ZFHX3: variants seen among roughly 807,000 people sequenced by gnomAD.
ZFHX3 encodes zinc finger homeobox protein 3.
Under a neutral mutation model 279.1 loss-of-function variants are expected in ZFHX3, and 42 were observed. The observed-to-expected ratio is 0.15, with a 90% CI of 0.12 to 0.19. The LOEUF (loss-of-function observed/expected upper bound fraction) is 0.19. Among genes scored for constraint, ZFHX3 ranks in the 10% least tolerant of loss-of-function variants. The probability of loss-of-function intolerance (pLI) is 1.00; values close to 1 mark genes in which losing one functional copy is unlikely to be tolerated. For missense variants in ZFHX3, 4,981 were observed against 4,754.0 expected (o/e 1.05, Z -1.40); for synonymous variants, 2,293 against 1,957.8 (o/e 1.17, Z -4.52).
chr16:73,875,299 C>T (rs561187447), intron 1 of ZFHX3, among the ~76,000 whole-genome samples: 1 of 152,110 alleles, frequency 6.6e-6, no homozygotes, highest in South Asian at 2.1e-4. Flanking sequence ...TCATGATTTC[C>T]CATAGTGTAT....
intron 2 of ZFHX3, among the ~76,000 whole-genome samples, chr16:73,656,240 A>G (rs982646862): frequency 3.9e-5 from 6 of 152,236 alleles, no homozygotes; most frequent in Non-Finnish European, 7.3e-5. Context: ...CACAAAGCCA[A>G]AAATTTTCAC....
Position 73,874,804 on chromosome 16 carries a change from G to A in ZFHX3, c.-1608+16847C>T, listed in dbSNP as rs1379988372. ...GCCTTTCTGTTTAGGGTAGATTAAAGAATTTTTATAAAGATGAGGATTACA... is the reference window on the plus strand; with the variant it reads ...GCCTTTCTGTTTAGGGTAGATTAAAAAATTTTTATAAAGATGAGGATTACA... On this transcript the variant is annotated intron_variant, in intron 1 of 17. Coordinates refer to the ZFHX3 transcript ENST00000641206. 5.3e-5 allele frequency among the ~76,000 whole-genome samples: 8 copies of A among 152,074 alleles called. No individual in the cohort carries two copies. The East Asian group carries it at 1.2e-3, about 22-fold the overall frequency.
At chr16:73,121,191 T>G (rs2144808494) in intron 7 of ZFHX3, among the ~76,000 whole-genome samples, 1 of 152,346 alleles carries the variant, frequency 6.6e-6, no homozygotes, top group Non-Finnish European at 1.5e-5. Flanking sequence ...TAGGACTACA[T>G]TTTACTTTAA....
At chr16:73,105,929 AC>A (rs34679627) in intron 7 of ZFHX3, among the ~76,000 whole-genome samples, 48,516 of 110,422 alleles carry the variant, frequency 0.44, 11,864 homozygotes, top group Non-Finnish European at 0.58. Context: ...ATGTACACGG[AC>A]CCCCTCCCCC....
At chr16:73,275,997 G>C (rs974516830) in intron 4 of ZFHX3, among the ~76,000 whole-genome samples, 2 of 151,988 alleles carry the variant, frequency 1.3e-5, no homozygotes, top group Admixed American at 6.5e-5. Flanking sequence ...GGGGGGACAG[G>C]GAAGGATGAT....
intron 7 of ZFHX3, among the ~76,000 whole-genome samples, chr16:73,129,722 G>A (rs1436543839): frequency 6.6e-6 from 1 of 151,640 alleles, no homozygotes; most frequent in East Asian, 1.9e-4. Context: ...GTATGTGTGT[G>A]TGTGTGTGTG....
In ZFHX3 at chr16:72,829,808, T is replaced by G. The variant is rs1313136028; in HGVS notation, c.3500A>C (p.Glu1167Ala). Residue 1167 changes from glutamate (E) to alanine (A), a missense_variant, in exon 5 of 10, where the codon GAG (glutamate) becomes GCG (alanine). Transcript: ENST00000268489. ...EGPSETAADP[E>A]ELAKDQEGGA... ...GCCCTCTTGGTCCTTAGCAAGCTCC[T>G]CTGGATCAGCAGCTGTTTCACTGGG... 2 of 1,614,228 alleles carry G rather than the reference T, an allele frequency of 1.2e-6. No homozygotes were observed. Among genetic ancestry groups the G allele is most frequent in the South Asian group, 2.2e-5 (2 of 91,088 alleles).
chr16:73,188,967 G>A (rs1967973480), intron 5 of ZFHX3, among the ~76,000 whole-genome samples: 1 of 151,490 alleles, frequency 6.6e-6, no homozygotes, highest in South Asian at 2.1e-4. Context: ...GGGTTCAAGC[G>A]ATTCTCCTGC....
At chr16:73,801,739 T>C (rs1269824515) in intron 1 of ZFHX3, among the ~76,000 whole-genome samples, 1 of 152,240 alleles carries the variant, frequency 6.6e-6, no homozygotes, top group African/African-American at 2.4e-5. Flanking sequence ...CATGTGCTGA[T>C]GGGTCTACTT....
At position 73,469,627 on chromosome 16, in the gene ZFHX3, A is replaced by ATT. The variant is rs763176124; in HGVS notation, c.-1546-13371_-1546-13370dup. Among the ~76,000 whole-genome samples, 183 of 149,980 alleles carry ATT rather than the reference A, an allele frequency of 1.2e-3. 1 individual carries two copies. The highest frequency in any genetic ancestry group is 4.0e-3 in the African/African-American group (160 of 40,248). ...GTCCCAACCTCCAATATATATATAT[A>ATT]TTTTTTTTGAGACAGAATCTCACTC... is the stretch of plus-strand genomic sequence containing the variant. On this transcript the variant is annotated intron_variant, in intron 2 of 17. Coordinates refer to the ZFHX3 transcript ENST00000641206.
intron 3 of ZFHX3, among the ~76,000 whole-genome samples, chr16:73,367,580 T>C (rs1409844133): frequency 6.6e-6 from 1 of 152,138 alleles, no homozygotes; most frequent in Non-Finnish European, 1.5e-5. Context: ...GGTTTCTCCC[T>C]TTCCATCAAA....
intron 1 of ZFHX3, among the ~76,000 whole-genome samples, chr16:73,714,868 T>A (rs1487509503): frequency 6.6e-6 from 1 of 152,216 alleles, no homozygotes; most frequent in Non-Finnish European, 1.5e-5. Context: ...CACATGGTAA[T>A]CTATTAGTCC....
intron 5 of ZFHX3, among the ~76,000 whole-genome samples, chr16:73,221,383 T>C (rs2012415060): frequency 6.6e-6 from 1 of 152,204 alleles, no homozygotes; most frequent in Non-Finnish European, 1.5e-5. Context: ...AGATTATTTA[T>C]ACTTGAGTAT....
intron 1 of ZFHX3, among the ~76,000 whole-genome samples, chr16:73,731,230 T>C (rs2053567439): frequency 6.6e-6 from 1 of 152,216 alleles, no homozygotes; most frequent in Non-Finnish European, 1.5e-5. Context: ...CTGTCAGTTT[T>C]AATAAGAGGA....
rs536214062 is a variant in ZFHX3, at chr16:73,174,733, C to G, written c.-1103-30902G>C. ...AGAGGGATCCTTTAAAAACCCAAATCAGGGCCGAGCACAGTGGCTTATGCC... is the reference window on the plus strand; with the variant it reads ...AGAGGGATCCTTTAAAAACCCAAATGAGGGCCGAGCACAGTGGCTTATGCC... On this transcript the variant is annotated intron_variant, in intron 5 of 17. Coordinates refer to the ZFHX3 transcript ENST00000641206. 6.6e-5 allele frequency among the ~76,000 whole-genome samples: 10 copies of G among 152,064 alleles called. No individual in the cohort carries two copies. In the South Asian group the frequency reaches 2.1e-3, roughly 32 times the overall value.
At chr16:73,606,944 TC>T (rs1226734881) in intron 2 of ZFHX3, among the ~76,000 whole-genome samples, 2 of 152,036 alleles carry the variant, frequency 1.3e-5, no homozygotes, top group Non-Finnish European at 2.9e-5. Context: ...TCTTGTAATC[TC>T]CAGCTCTGAG....
chr16:73,095,223 C>T (rs994731273), intron 7 of ZFHX3, among the ~76,000 whole-genome samples: 2 of 152,158 alleles, frequency 1.3e-5, no homozygotes, highest in Non-Finnish European at 2.9e-5. Flanking sequence ...CTGCGCCTGG[C>T]TCTGGGATGC....
intron 5 of ZFHX3, among the ~76,000 whole-genome samples, chr16:73,247,776 A>G (rs1277834141): frequency 6.6e-5 from 10 of 151,750 alleles, no homozygotes; most frequent in Admixed American, 3.9e-4. Context: ...TACTGCATAT[A>G]TGATGTGTCT....
intron 5 of ZFHX3, among the ~76,000 whole-genome samples, chr16:73,240,729 T>C (rs142465659): frequency 4.9e-4 from 75 of 152,338 alleles, no homozygotes; most frequent in African/African-American, 1.8e-3. Flanking sequence ...GCTGCAAGTA[T>C]TGATTTTGAA....
Sources: allele counts gnomAD v4.1 joint callset (sites outside exome capture counted in the v4.1 genomes callset), GRCh38; gene constraint gnomAD v4.1.1; transcripts MANE v1.5; gene names NCBI Gene and HGNC (gene_info 2026-07-23, HGNC 2026-07-21).